TP53I11: variants seen among roughly 807,000 people sequenced by gnomAD.
The protein encoded by TP53I11 is tumor protein p53-inducible protein 11.
Under a neutral mutation model 23.3 loss-of-function variants are expected in TP53I11, and 9 were observed. That is an observed-to-expected ratio of 0.39 (90% CI 0.23 to 0.67). The LOEUF (loss-of-function observed/expected upper bound fraction) is 0.67. Ranked by LOEUF, TP53I11 falls within the 30% of genes least tolerant of loss-of-function variation. The probability of loss-of-function intolerance (pLI) is 0.48; values close to 1 mark genes in which losing one functional copy is unlikely to be tolerated. For synonymous variants in TP53I11, 100 were observed against 106.1 expected (o/e 0.94, Z 0.35); for missense variants, 170 against 255.2 (o/e 0.67, Z 2.27).
At chr11:44,937,723 G>GC in intron 2 of TP53I11, 110 bp from the exon 3 acceptor site, 1 of 1,191,904 alleles carries the variant, frequency 8.4e-7, no homozygotes. Context: ...GGGCACCTCA[G>GC]CTTGGCCAAA....
At chr11:44,951,191 A>G (rs1476144788), upstream of TP53I11, 1 of 152,434 alleles carries the variant, frequency 6.6e-6, no homozygotes, top group Non-Finnish European at 1.5e-5. Flanking sequence ...TGGGACGATC[A>G]ACGTAGATGG....
At chr11:44,937,074 C>T in intron 4 of TP53I11, 175 bp from the exon 5 acceptor site, 1 of 743,498 alleles carries the variant, frequency 1.3e-6, no homozygotes, top group Non-Finnish European at 2.2e-6. Flanking sequence ...ACAGAAAACT[C>T]CAGGGTTCCT....
intron 1 of TP53I11, among the ~76,000 whole-genome samples, chr11:44,944,757 T>A (rs1862227069): frequency 6.6e-6 from 1 of 152,180 alleles, no homozygotes; most frequent in African/African-American, 2.4e-5. Context: ...AGGTTTGTGA[T>A]GTGTGATGAT....
In TP53I11 at chr11:44,936,151, G is replaced by A. The variant is rs894134784; in HGVS notation, c.335-489C>T. 3.3e-6 allele frequency: 3 copies of A among 921,414 alleles called. No individual in the cohort carries two copies. The highest frequency in any genetic ancestry group is 4.8e-5 in the South Asian group (1 of 20,808). The allele number at this position is 921,414 out of a possible 1,614,324, so 57.1% of individuals were successfully genotyped here. A position where few individuals can be genotyped will look rare whatever the true frequency, so the allele number is the denominator to read the frequency against. On this transcript the variant is annotated intron_variant, in intron 5 of 6. Coordinates refer to ENST00000525680, the MANE Select transcript of TP53I11 (RefSeq NM_006034.5). The surrounding 1 kb of genome is among the most constrained non-coding windows in gnomAD (Gnocchi z 4.4). ...GGGGGATGAACCATACTTTTTAGCA[G>A]AAGACCACTGACTTGGCCTCTAGCA...
At chr11:44,947,686 G>A (rs1862525452) in intron 1 of TP53I11, among the ~76,000 whole-genome samples, 1 of 152,138 alleles carries the variant, frequency 6.6e-6, no homozygotes. Flanking sequence ...GTGGTTAAAG[G>A]ACTAGCTCAT....
chr11:44,948,927 C>T (rs1227374590), intron 1 of TP53I11, among the ~76,000 whole-genome samples: 1 of 152,190 alleles, frequency 6.6e-6, no homozygotes, highest in Non-Finnish European at 1.5e-5. Flanking sequence ...GAAAATAGGT[C>T]GCAGTCCTAG....
rs1384535639 is a variant in TP53I11, at chr11:44,935,629, G to A, written c.368C>T (p.Thr123Met). 6.8e-6 allele frequency: 11 copies of A among 1,606,532 alleles called. No individual in the cohort carries two copies. Among genetic ancestry groups the A allele is most frequent in the Admixed American group, 1.7e-5 (1 of 59,808 alleles). ...ISLIMWNALY[T>M]AEKVIIRWTL... Reference sequence around the variant, plus strand: ...CCATCGAATGATGACCTTCTCAGCCGTGTAGAGAGCGTTCCACATGATCAG... The same window carrying A: ...CCATCGAATGATGACCTTCTCAGCCATGTAGAGAGCGTTCCACATGATCAG... Residue 123 changes from threonine to methionine, a missense_variant, in exon 6 of 7, where the codon ACG becomes ATG. By Grantham distance (81) the Thr-to-Met change is moderately conservative (BLOSUM62 -1). Coordinates refer to ENST00000525680, the MANE Select transcript of TP53I11 (RefSeq NM_006034.5).
At chr11:44,935,784 C>T (rs529661353) in intron 5 of TP53I11, 122 bp from the exon 6 acceptor site, 19 of 671,730 alleles carry the variant, frequency 2.8e-5, no homozygotes, top group African/African-American at 1.2e-4. Context: ...CTGGACTCCA[C>T]GCCTCCGCCC....
chr11:44,933,381 C>G lies in TP53I11; in HGVS notation c.*1503G>C, dbSNP rs1023265178. On this transcript the variant is annotated 3_prime_UTR_variant, in exon 7 of 7. Transcript: ENST00000525680. ...AGACACCCTCCAGCCATCCCCCACT[C>G]TATGCCAGGATGGGAAGCGAGTCTG... The G allele has an allele frequency of 6.6e-6, 1 of 152,576 alleles. No homozygotes were observed. Among genetic ancestry groups the G allele is most frequent in the African/African-American group, 2.4e-5 (1 of 41,450 alleles). The allele number at this position is 152,576 out of a possible 1,614,324, so 9.5% of individuals were successfully genotyped here. A position where few individuals can be genotyped will look rare whatever the true frequency, so the allele number is the denominator to read the frequency against.
At chr11:44,941,776 C>T (rs1455841334) in intron 1 of TP53I11, among the ~76,000 whole-genome samples, 1 of 152,126 alleles carries the variant, frequency 6.6e-6, no homozygotes, top group Non-Finnish European at 1.5e-5. Context: ...TTCTTAACTT[C>T]TCCGCCCCAC....
Position 44,937,318 on chromosome 11 carries a change from C to A in TP53I11, c.223G>T (p.Gly75Cys), listed in dbSNP as rs74820893. Residue 75 changes from glycine (G) to cysteine (C), a missense_variant, in exon 4 of 7, where the codon GGC becomes TGC. Transcript: ENST00000525680. ...WQFVSAVLFSGIAIMALAFPD... is the reference protein window; with the variant it reads ...WQFVSAVLFSCIAIMALAFPD... ...TGGGGGCTCACCATGATGGCAATGC[C>A]GGAGAAGAGCACAGCAGAGACGAAC... 34 of 1,501,508 alleles carry A rather than the reference C, an allele frequency of 2.3e-5. No homozygotes were observed. Among genetic ancestry groups the A allele is most frequent in the African/African-American group, 1.3e-4 (9 of 70,812 alleles). 93.0% of individuals were successfully genotyped at this position (1,501,508 alleles called of 1,614,324 possible). A position where few individuals can be genotyped will look rare whatever the true frequency, so the allele number is the denominator to read the frequency against.
chr11:44,944,449 G>T (rs1403686324), intron 1 of TP53I11, among the ~76,000 whole-genome samples: 2 of 152,200 alleles, frequency 1.3e-5, no homozygotes, highest in South Asian at 2.1e-4. Flanking sequence ...CTCCCCATCT[G>T]CTGTGGAATC....
At chr11:44,939,662 C>A (rs1360512071) in intron 1 of TP53I11, among the ~76,000 whole-genome samples, 2 of 152,210 alleles carry the variant, frequency 1.3e-5, no homozygotes, top group African/African-American at 4.8e-5. Flanking sequence ...CAGTTTCAAA[C>A]TGTGGGGTCT....
In TP53I11 at chr11:44,934,706, A is replaced by C; in HGVS notation, c.*178T>G. ...ACCAGCATGTCAAGCCTGAAAGCCC[A>C]GGAGATCACAGCACACGGGGTGCCC... is the stretch of plus-strand genomic sequence containing the variant. On this transcript the variant is annotated 3_prime_UTR_variant, in exon 7 of 7. Coordinates refer to ENST00000525680, the MANE Select transcript of TP53I11 (RefSeq NM_006034.5). 1.2e-6 allele frequency: 1 copy of C among 800,768 alleles called. No homozygotes were observed. The highest frequency in any genetic ancestry group is 1.9e-6 in the Non-Finnish European group (1 of 522,038). 49.6% of individuals were successfully genotyped at this position (800,768 alleles called of 1,614,324 possible).
chr11:44,940,600 T>C (rs184715709), intron 1 of TP53I11: 42 of 152,368 alleles, frequency 2.8e-4, no homozygotes, highest in Admixed American at 2.4e-3. Flanking sequence ...CTCCTTTTTA[T>C]TGGAGAGCAG....
At position 44,944,382 on chromosome 11, in the gene TP53I11, G is replaced by A. The variant is rs539615330; in HGVS notation, c.-31-6016C>T. On this transcript the variant is annotated intron_variant, in intron 1 of 6. Transcript: ENST00000525680. ...GCATTTGTGATTGAATGAATGAGTC[G>A]GGAGGAGCTAAGAGGCCCTCTTCAG... Among the ~76,000 whole-genome samples the A allele has an allele frequency of 4.6e-5, 7 of 152,248 alleles. No homozygotes were observed. In the South Asian group the frequency reaches 8.3e-4, roughly 18 times the overall value.
In TP53I11 at chr11:44,934,763, T is replaced by A; in HGVS notation, c.*121A>T. 31 of 1,383,990 alleles carry A rather than the reference T, an allele frequency of 2.2e-5. No homozygotes were observed. Among genetic ancestry groups the A allele is most frequent in the Non-Finnish European group, 2.9e-5 (30 of 1,027,728 alleles). 85.7% of individuals were successfully genotyped at this position (1,383,990 alleles called of 1,614,324 possible). A position where few individuals can be genotyped will look rare whatever the true frequency, so the allele number is the denominator to read the frequency against. On this transcript the variant is annotated 3_prime_UTR_variant, in exon 7 of 7. Transcript: ENST00000525680. The stretch of plus-strand genomic sequence containing the variant: ...AAAGGAAGGCCCCCCACCCCCTGCC[T>A]CCCTGGGGCAGGACTGGGGCAGGGC...
At chr11:44,937,474 G>T in intron 3 of TP53I11, 81 bp downstream of exon 3, 1 of 1,562,616 alleles carries the variant, frequency 6.4e-7, no homozygotes. Context: ...CAGGGACCAG[G>T]CCAAATGAGG....
intron 4 of TP53I11, 38 bp downstream of exon 4, chr11:44,937,266 A>AC (rs780779641): frequency 5.2e-6 from 8 of 1,537,462 alleles, no homozygotes; most frequent in Non-Finnish European, 7.0e-6. Context: ...AGGGAGCCAC[A>AC]CGGGGCCAGA....
Sources: allele counts gnomAD v4.1 joint callset (sites outside exome capture counted in the v4.1 genomes callset), GRCh38; gene constraint gnomAD v4.1.1; non-coding constraint Gnocchi (gnomAD v3.1); transcripts MANE v1.5; gene names NCBI Gene and HGNC (gene_info 2026-07-23, HGNC 2026-07-21).